The following SLC17A5 variants were observed in gnomAD, a reference collection of about 807,000 sequenced individuals.
SLC17A5 encodes sialin.
A neutral mutation model predicts 59.4 loss-of-function variants in SLC17A5; 47 were observed. The observed-to-expected ratio is 0.79, with a 90% CI of 0.63 to 1.01. SLC17A5 has a LOEUF of 1.01. SLC17A5 is among the 50% of genes least tolerant of loss of function. SLC17A5 has a pLI of 0.00. For missense variants in SLC17A5, 522 were observed against 595.5 expected, an observed-to-expected ratio of 0.88 and a Z score of 1.28; for synonymous variants, 202 against 210.7, an observed-to-expected ratio of 0.96 and a Z score of 0.36.
chr6:73,594,641 A>G lies in SLC17A5; in HGVS notation c.*436T>C, dbSNP rs572842355. On this transcript the variant is annotated 3_prime_UTR_variant, in exon 11 of 11. Transcript: ENST00000355773. ...TACAGTGGATGGCAGCTCCACAGAGATGCTAAAGTTTGAGGTCTAAGTGTC... is the reference window on the plus strand; with the variant it reads ...TACAGTGGATGGCAGCTCCACAGAGGTGCTAAAGTTTGAGGTCTAAGTGTC... 12 of 228,136 alleles carry G rather than the reference A, an allele frequency of 5.3e-5. No individual in the cohort carries two copies. Among genetic ancestry groups the G allele is most frequent in the South Asian group, 3.7e-4 (6 of 16,394 alleles). 14.1% of individuals were successfully genotyped at this position (228,136 alleles called of 1,614,324 possible). A position where few individuals can be genotyped will look rare whatever the true frequency, so the allele number is the denominator to read the frequency against.
In SLC17A5 at chr6:73,636,711, G is replaced by A; in HGVS notation, c.614-4C>T. 2 of 1,592,372 alleles carry A rather than the reference G, an allele frequency of 1.3e-6. No individual in the cohort carries two copies. Among genetic ancestry groups the A allele is most frequent in the South Asian group, 1.1e-5 (1 of 90,600 alleles). ...ATTACTGTCCCAAGCTGTGCTCCTA[G>A]AACAACACATAAGACTATTTTATAA... is the stretch of plus-strand genomic sequence containing the variant. On this transcript the variant is annotated splice_region_variant and splice_polypyrimidine_tract_variant and intron_variant, in intron 4 of 10. Transcript: ENST00000355773.
chr6:73,622,980 A>C (rs1165797379), intron 6 of SLC17A5, among the ~76,000 whole-genome samples: 2 of 152,312 alleles, frequency 1.3e-5, no homozygotes, highest in African/African-American at 4.8e-5. Flanking sequence ...AGAGGTTAAT[A>C]ATGGCATCCT....
chr6:73,648,945 A>G (rs1034500809), intron 1 of SLC17A5, among the ~76,000 whole-genome samples: 1 of 152,102 alleles, frequency 6.6e-6, no homozygotes, highest in Non-Finnish European at 1.5e-5. Flanking sequence ...TCTAAGAACT[A>G]ACACTATTGA....
intron 2 of SLC17A5, among the ~76,000 whole-genome samples, chr6:73,643,272 C>G (rs1269763599): frequency 2.0e-5 from 3 of 149,914 alleles, no homozygotes; most frequent in Admixed American, 6.7e-5. Context: ...ACCATTCCCC[C>G]GCTTCAGCCT....
chr6:73,641,607 T>C, intron 3 of SLC17A5, 84 bp downstream of exon 3: 1 of 1,055,912 alleles, frequency 9.5e-7, no homozygotes, highest in East Asian at 2.4e-5. Flanking sequence ...TTTTGGTTCA[T>C]ATTCATACCA....
At chr6:73,629,062 A>G (rs2150106801) in intron 6 of SLC17A5, among the ~76,000 whole-genome samples, 1 of 152,312 alleles carries the variant, frequency 6.6e-6, no homozygotes, top group Non-Finnish European at 1.5e-5. Context: ...TCTTCCTAAA[A>G]GGCATAAAGG....
At chr6:73,644,692 G>C in intron 1 of SLC17A5, 89 bp from the exon 2 acceptor site, 6 of 1,267,824 alleles carry the variant, frequency 4.7e-6, no homozygotes, top group Non-Finnish European at 6.6e-6. Context: ...GGCTGGTCTT[G>C]AACTCCTGGG....
chr6:73,611,255 G>C (rs1250840710), intron 8 of SLC17A5, among the ~76,000 whole-genome samples: 1 of 151,998 alleles, frequency 6.6e-6, no homozygotes, highest in East Asian at 1.9e-4. Context: ...TTCTTAAAAA[G>C]ATTTTTTAAA....
intron 6 of SLC17A5, among the ~76,000 whole-genome samples, chr6:73,629,382 A>C (rs930711815): frequency 6.6e-6 from 1 of 152,128 alleles, no homozygotes; most frequent in Non-Finnish European, 1.5e-5. Flanking sequence ...ACAGAACCAG[A>C]CTTTGTGTCA....
chr6:73,630,157 T>A (rs1768630590), intron 6 of SLC17A5, among the ~76,000 whole-genome samples: 1 of 152,036 alleles, frequency 6.6e-6, no homozygotes, highest in African/African-American at 2.4e-5. Context: ...GACGCCTGGC[T>A]AATTTTTGTA....
intron 1 of SLC17A5, among the ~76,000 whole-genome samples, chr6:73,651,331 T>C (rs1769850601): frequency 1.3e-5 from 2 of 150,388 alleles, no homozygotes; most frequent in African/African-American, 2.4e-5. Flanking sequence ...TGTGGTGGCG[T>C]AGGCCTGTAA....
chr6:73,647,036 G>A (rs752547208), intron 1 of SLC17A5, among the ~76,000 whole-genome samples: 2 of 151,918 alleles, frequency 1.3e-5, no homozygotes, highest in South Asian at 4.1e-4. Context: ...TCTGGATGGG[G>A]GACTCAAAAA....
At chr6:73,623,993 G>T (rs1483493556) in intron 6 of SLC17A5, among the ~76,000 whole-genome samples, 1 of 151,918 alleles carries the variant, frequency 6.6e-6, no homozygotes, top group Non-Finnish European at 1.5e-5. Flanking sequence ...CACCGTACCC[G>T]GCTGAGCTGC....
chr6:73,611,375 G>A (rs1767631725), intron 8 of SLC17A5, among the ~76,000 whole-genome samples: 2 of 152,168 alleles, frequency 1.3e-5, no homozygotes, highest in South Asian at 4.1e-4. Context: ...TGCCTCCTAG[G>A]TTCAAGTGAT....
chr6:73,607,942 A>G (rs1266171910), intron 9 of SLC17A5, among the ~76,000 whole-genome samples: 1 of 150,446 alleles, frequency 6.6e-6, no homozygotes, highest in Non-Finnish European at 1.5e-5. Context: ...ACACCCTGCT[A>G]ATTTTTGTAT....
chr6:73,621,445 C>T (rs1375420762), intron 7 of SLC17A5, among the ~76,000 whole-genome samples: 6 of 152,196 alleles, frequency 3.9e-5, no homozygotes, highest in Non-Finnish European at 5.9e-5. Context: ...GGCCTGATGT[C>T]GGGCATCCTT....
intron 9 of SLC17A5, among the ~76,000 whole-genome samples, chr6:73,603,504 T>C (rs540047736): frequency 3.1e-4 from 47 of 151,556 alleles, no homozygotes; most frequent in African/African-American, 1.0e-3. Flanking sequence ...CATTACAACT[T>C]CCACCTCCCC....
At chr6:73,610,689 G>T in intron 8 of SLC17A5, 142 bp from the exon 9 acceptor site, 2 of 816,144 alleles carry the variant, frequency 2.5e-6, no homozygotes, top group East Asian at 2.8e-5. Flanking sequence ...CAAATTTCAT[G>T]AGAAAAAAAA....
chr6:73,596,424 T>G (rs1766801863), intron 10 of SLC17A5, among the ~76,000 whole-genome samples: 1 of 152,214 alleles, frequency 6.6e-6, no homozygotes, highest in Admixed American at 6.5e-5. Context: ...AAGACAACTG[T>G]TCAGTGTATA....
Sources: allele counts gnomAD v4.1 joint callset (sites outside exome capture counted in the v4.1 genomes callset), GRCh38; gene constraint gnomAD v4.1.1; transcripts MANE v1.5; gene names NCBI Gene and HGNC (gene_info 2026-07-23, HGNC 2026-07-21).